ONECUT2: variants seen among roughly 807,000 people sequenced by gnomAD.
The protein encoded by ONECUT2 is one cut homeobox 2.
In ONECUT2, 10 loss-of-function variants were observed where a neutral mutation model predicts 27.9. The ratio of observed to expected loss-of-function variants is 0.36; its 90% CI spans 0.22 to 0.61. The LOEUF (loss-of-function observed/expected upper bound fraction) is 0.61. ONECUT2 is among the 20% of genes least tolerant of loss of function. The pLI, the probability that ONECUT2 is intolerant of heterozygous loss-of-function variation, is 0.73. For missense variants in ONECUT2, 686 were observed against 721.0 expected (o/e 0.95, Z 0.56); for synonymous variants, 334 against 315.1 (o/e 1.06, Z -0.64).
At chr18:57,458,027 C>T (rs770509248) in intron 1 of ONECUT2, among the ~76,000 whole-genome samples, 29 of 152,034 alleles carry the variant, frequency 1.9e-4, no homozygotes, top group Non-Finnish European at 2.9e-5. Context: ...ATGTAAAAGA[C>T]GAGTTGATGG....
In ONECUT2 at chr18:57,476,438, G is replaced by A. The variant is rs199983452; in HGVS notation, c.1230G>A (p.Ala410=). 234 of 1,613,618 alleles carry A rather than the reference G, an allele frequency of 1.5e-4. 1 individual carries two copies. The African/African-American group carries it at 1.8e-3, about 12-fold the overall frequency. Residue 410 remains alanine (A), a splice_region_variant and synonymous_variant, in exon 2 of 2, where the codon GCG becomes GCA. Transcript: ENST00000491143. Reference sequence around the variant, plus strand: ...CTCCTTCTTCTCTTTCCCTTCAAGCGTGCAAACGCAAAGAGCAAGAACCAA... The same window carrying A: ...CTCCTTCTTCTCTTTCCCTTCAAGCATGCAAACGCAAAGAGCAAGAACCAA... ...FQRMSALRLA[A]CKRKEQEPNK...
Position 57,484,090 on chromosome 18 carries a change from T to G in ONECUT2, c.*7367T>G, listed in dbSNP as rs1168874910. 1 of 152,036 alleles carries G rather than the reference T, an allele frequency of 6.6e-6. No individual in the cohort carries two copies. The highest frequency in any genetic ancestry group is 1.9e-4 in the East Asian group (1 of 5,188). The allele number at this position is 152,036 out of a possible 1,614,324, so 9.4% of individuals were successfully genotyped here. A position where few individuals can be genotyped will look rare whatever the true frequency, so the allele number is the denominator to read the frequency against. On this transcript the variant is annotated 3_prime_UTR_variant, in exon 2 of 2. Coordinates refer to ENST00000491143, the MANE Select transcript of ONECUT2 (RefSeq NM_004852.3). ...CTATACAGAAACTGGAAAAATAAAT[T>G]TTAAAAAAATCGTAAACAAAAAGAG...
intron 1 of ONECUT2, among the ~76,000 whole-genome samples, chr18:57,445,436 G>C (rs150342523): frequency 6.6e-6 from 1 of 152,034 alleles, no homozygotes; most frequent in Non-Finnish European, 1.5e-5. Context: ...CAGAACCATC[G>C]GCACAATCCA....
chr18:57,467,975 A>C (rs2050333266), intron 1 of ONECUT2, among the ~76,000 whole-genome samples: 2 of 152,172 alleles, frequency 1.3e-5, no homozygotes, highest in South Asian at 4.1e-4. Flanking sequence ...TATCTGCTCT[A>C]ATAAGCCAGG....
At chr18:57,455,351 G>A (rs1175293082) in intron 1 of ONECUT2, among the ~76,000 whole-genome samples, 1 of 152,170 alleles carries the variant, frequency 6.6e-6, no homozygotes, top group African/African-American at 2.4e-5. Context: ...TTGAAGCCAT[G>A]GGCCACCGAA....
chr18:57,455,062 A>G (rs1199404554), intron 1 of ONECUT2, among the ~76,000 whole-genome samples: 2 of 152,228 alleles, frequency 1.3e-5, no homozygotes, highest in Non-Finnish European at 2.9e-5. Context: ...TTATTTTTAT[A>G]GACACCCCGG....
At chr18:57,438,083 G>T (rs1426681353) in intron 1 of ONECUT2, among the ~76,000 whole-genome samples, 1 of 152,234 alleles carries the variant, frequency 6.6e-6, no homozygotes, top group African/African-American at 2.4e-5. Flanking sequence ...GAAACCTCCT[G>T]TGTGGGCGGC....
intron 1 of ONECUT2, among the ~76,000 whole-genome samples, chr18:57,452,279 C>A (rs2050234723): frequency 6.6e-6 from 1 of 152,182 alleles, no homozygotes; most frequent in Admixed American, 6.5e-5. Flanking sequence ...TTTAGCCCCA[C>A]CACAATGCCT....
chr18:57,482,792 T>C lies in ONECUT2; in HGVS notation c.*6069T>C, dbSNP rs1442682524. On this transcript the variant is annotated 3_prime_UTR_variant, in exon 2 of 2. Transcript: ENST00000491143. The stretch of plus-strand genomic sequence containing the variant: ...TGTACAGACAAGCTTCATACGTATA[T>C]ACTGTAATCCGTTACAACAAATAAA... 1 of 152,266 alleles carries C rather than the reference T, an allele frequency of 6.6e-6. No individual in the cohort carries two copies. Among genetic ancestry groups the C allele is most frequent in the Non-Finnish European group, 1.5e-5 (1 of 68,050 alleles). The allele number at this position is 152,266 out of a possible 1,614,324, so 9.4% of individuals were successfully genotyped here.
rs1377182320 is a variant in ONECUT2 at position 57,482,943 on chromosome 18, C to T, written c.*6220C>T. On this transcript the variant is annotated 3_prime_UTR_variant, in exon 2 of 2. Coordinates refer to ENST00000491143, the MANE Select transcript of ONECUT2 (RefSeq NM_004852.3). ...TATCCCAGCATCTTCATCCTGTACA[C>T]TTGGAATTAATTTCATTTGGGCATA... is the stretch of plus-strand genomic sequence containing the variant. 1 of 152,544 alleles carries T rather than the reference C, an allele frequency of 6.6e-6. No individual in the cohort carries two copies. The highest frequency in any genetic ancestry group is 1.5e-5 in the Non-Finnish European group (1 of 68,012). The allele number at this position is 152,544 out of a possible 1,614,324, so 9.4% of individuals were successfully genotyped here. A position where few individuals can be genotyped will look rare whatever the true frequency, so the allele number is the denominator to read the frequency against.
intron 1 of ONECUT2, among the ~76,000 whole-genome samples, chr18:57,450,234 T>C (rs2050222821): frequency 1.3e-5 from 2 of 152,280 alleles, no homozygotes; most frequent in Middle Eastern, 6.8e-3. Flanking sequence ...AGTGCAGTGG[T>C]GCGATCTCGG....
At chr18:57,470,109 G>T (rs1238086512) in intron 1 of ONECUT2, among the ~76,000 whole-genome samples, 1 of 152,208 alleles carries the variant, frequency 6.6e-6, no homozygotes, top group African/African-American at 2.4e-5. Flanking sequence ...TTGTTTGTTG[G>T]CTGGGTGTGT....
intron 1 of ONECUT2, among the ~76,000 whole-genome samples, chr18:57,440,470 C>T (rs894827128): frequency 6.6e-6 from 1 of 152,248 alleles, no homozygotes. Flanking sequence ...GAGCCCGGAT[C>T]CCCCAGCGGC....
At chr18:57,464,863 TTTTAAG>T (rs1178773721) in intron 1 of ONECUT2, among the ~76,000 whole-genome samples, 3 of 152,238 alleles carry the variant, frequency 2.0e-5, no homozygotes, top group African/African-American at 7.2e-5. Context: ...ATTCTTGAGC[TTTTAAG>T]TTTGATTAAA....
chr18:57,475,571 G>C (rs1338779805), intron 1 of ONECUT2, among the ~76,000 whole-genome samples: 20 of 152,170 alleles, frequency 1.3e-4, no homozygotes, highest in Non-Finnish European at 1.2e-4. Context: ...ACAGAGGCCT[G>C]GTTGCTGCCT....
At chr18:57,437,024 C>G in intron 1 of ONECUT2, 80 bp downstream of exon 1, 3 of 1,480,844 alleles carry the variant, frequency 2.0e-6, no homozygotes, top group Non-Finnish European at 2.7e-6. Context: ...GTCTGCGCGC[C>G]GAGTCACTTC....
chr18:57,435,646 C>T lies in ONECUT2; in HGVS notation c.-71C>T, dbSNP rs989712977. On this transcript the variant is annotated 5_prime_UTR_variant, in exon 1 of 2. Coordinates refer to ENST00000491143, the MANE Select transcript of ONECUT2 (RefSeq NM_004852.3). ...CGCCCCCACTCCCGCAGCCGAGCCC[C>T]GCCACGCGCGCCTTGCCCGCCCGCC... The T allele has an allele frequency of 1.5e-4, 154 of 998,900 alleles. 1 individual carries two copies. Among genetic ancestry groups the T allele is most frequent in the Non-Finnish European group, 1.7e-4 (143 of 835,884 alleles). The allele number at this position is 998,900 out of a possible 1,614,324, so 61.9% of individuals were successfully genotyped here. A position where few individuals can be genotyped will look rare whatever the true frequency, so the allele number is the denominator to read the frequency against.
intron 1 of ONECUT2, among the ~76,000 whole-genome samples, chr18:57,462,365 C>A (rs1217296904): frequency 6.6e-6 from 1 of 152,136 alleles, no homozygotes; most frequent in Non-Finnish European, 1.5e-5. Context: ...TACTGTCATT[C>A]CTGTCTTTTG....
intron 1 of ONECUT2, among the ~76,000 whole-genome samples, chr18:57,468,074 A>G (rs1255020003): frequency 1.3e-5 from 2 of 152,216 alleles, no homozygotes; most frequent in Non-Finnish European, 2.9e-5. Context: ...TCTGTCTTGC[A>G]AGGCCTGTGC....
Sources: gnomAD v4.1 joint callset for allele counts (sites outside exome capture counted in the v4.1 genomes callset) on GRCh38, gnomAD v4.1.1 for gene constraint, MANE v1.5 for transcripts, NCBI Gene and HGNC (gene_info 2026-07-23, HGNC 2026-07-21) for gene names.